The following BLTP1 variants were observed in gnomAD, a reference collection of about 807,000 sequenced individuals.
The protein encoded by BLTP1 is bridge-like lipid transfer protein family member 1.
the BLTP1 span, chr4:122,246,945 TC>T: frequency 1.4e-6 from 2 of 1,410,582 alleles, no homozygotes; most frequent in East Asian, 5.0e-5. Context: ...GAATTTCAAA[TC>T]TTAATTTATA....
At chr4:122,194,161 C>G in the BLTP1 span, among the ~76,000 whole-genome samples, 1 of 152,172 alleles carries the variant, frequency 6.6e-6, no homozygotes, top group Admixed American at 6.5e-5. Flanking sequence ...TGCGCCCGGC[C>G]TCAAGTAGTA....
chr4:122,354,669 CTTTT>C, the BLTP1 span, among the ~76,000 whole-genome samples: 1 of 135,078 alleles, frequency 7.4e-6, no homozygotes. Context: ...TTTTTCTTTT[CTTTT>C]TTTTTTTTTT....
chr4:122,310,732 A>G, the BLTP1 span, among the ~76,000 whole-genome samples: 8 of 152,150 alleles, frequency 5.3e-5, no homozygotes, highest in Non-Finnish European at 1.2e-4. Flanking sequence ...CTGCTTCTCA[A>G]ATTGCTTCAG....
At chr4:122,347,316 G>A in the BLTP1 span, 6 of 898,652 alleles carry the variant, frequency 6.7e-6, no homozygotes, top group Admixed American at 6.2e-5. Context: ...TGAGACCAGA[G>A]GTCCTGTTTT....
At chr4:122,328,889 T>A in the BLTP1 span, 1 of 304,874 alleles carries the variant, frequency 3.3e-6, no homozygotes, top group Non-Finnish European at 4.8e-6. Flanking sequence ...CTGGTCTATT[T>A]AAACCGCCCT....
chr4:122,323,580 C>G, the BLTP1 span, among the ~76,000 whole-genome samples: 1 of 151,778 alleles, frequency 6.6e-6, no homozygotes, highest in East Asian at 1.9e-4. Flanking sequence ...TTGACCTGCC[C>G]TTCCTTGATC....
chr4:122,272,218 C>T, the BLTP1 span: 1 of 1,613,252 alleles, frequency 6.2e-7, no homozygotes, highest in Non-Finnish European at 8.5e-7. Context: ...AACAAGACAA[C>T]AGCAGTTTGA....
At chr4:122,354,002 G>A in the BLTP1 span, 4 of 1,613,528 alleles carry the variant, frequency 2.5e-6, no homozygotes, top group Non-Finnish European at 3.4e-6. Context: ...TTATGTTACA[G>A]CTACAAGGAA....
the BLTP1 span, chr4:122,304,916 A>C: frequency 2.5e-6 from 4 of 1,613,886 alleles, no homozygotes; most frequent in South Asian, 4.4e-5. Context: ...AGTAGCAGCT[A>C]TCTGAAACTG....
At chr4:122,273,696 C>T in the BLTP1 span, among the ~76,000 whole-genome samples, 1 of 152,024 alleles carries the variant, frequency 6.6e-6, no homozygotes, top group South Asian at 2.1e-4. Context: ...TCGAGGTCTG[C>T]AAACCTAGGT....
At chr4:122,352,852 C>T in the BLTP1 span, 2 of 1,594,830 alleles carry the variant, frequency 1.3e-6, no homozygotes, top group Non-Finnish European at 1.7e-6. Context: ...CTACCCTATC[C>T]AAGGGTACTC....
chr4:122,237,938 G>A, the BLTP1 span: 8 of 379,124 alleles, frequency 2.1e-5, no homozygotes, highest in Admixed American at 2.2e-4. Flanking sequence ...AGCCAAGATC[G>A]TGCCACTGTA....
the BLTP1 span, chr4:122,263,026 G>A: frequency 6.3e-7 from 1 of 1,582,382 alleles, no homozygotes; most frequent in Non-Finnish European, 8.6e-7. Context: ...ATATTTACGG[G>A]GGAATTGAGA....
the BLTP1 span, among the ~76,000 whole-genome samples, chr4:122,285,377 G>C: frequency 6.6e-6 from 1 of 152,130 alleles, no homozygotes; most frequent in Non-Finnish European, 1.5e-5. Context: ...TGGTGTGCTA[G>C]CAATAGTAGT....
chr4:122,286,514 A>G, the BLTP1 span: 1 of 1,613,182 alleles, frequency 6.2e-7, no homozygotes. Flanking sequence ...CACTAGCACA[A>G]ACAATAACTT....
At chr4:122,223,847 C>A in the BLTP1 span, 1 of 266,824 alleles carries the variant, frequency 3.7e-6, no homozygotes, top group Non-Finnish European at 5.8e-6. Context: ...ATCAGTAGGG[C>A]ATTCCCAAAC....
the BLTP1 span, chr4:122,200,679 G>C: frequency 1.0e-6 from 1 of 984,900 alleles, no homozygotes. Context: ...CACTGAGCCT[G>C]TCACTTAACA....
chr4:122,237,367 A>G, the BLTP1 span: 2 of 985,228 alleles, frequency 2.0e-6, no homozygotes, highest in Non-Finnish European at 2.4e-6. Flanking sequence ...CTCTGATCCT[A>G]AAGTCGTTAT....
the BLTP1 span, chr4:122,207,529 T>TTTTTTTTTTTTG: frequency 1.3e-6 from 2 of 1,551,864 alleles, no homozygotes; most frequent in South Asian, 1.2e-5. Context: ...TTTTTTTTTT[T>TTTTTTTTTTTTG]TTCTTTTGTA....
Sources: gnomAD v4.1 joint callset for allele counts (sites outside exome capture counted in the v4.1 genomes callset) on GRCh38, gnomAD v4.1.1 for gene constraint, MANE v1.5 for transcripts, NCBI Gene and HGNC (gene_info 2026-07-23, HGNC 2026-07-21) for gene names.